SLC9A7: variants seen among roughly 807,000 people sequenced by gnomAD.
The protein encoded by SLC9A7 is sodium/hydrogen exchanger 7.
A neutral mutation model predicts 52.6 loss-of-function variants in SLC9A7; 19 were observed. That is an observed-to-expected ratio of 0.36 (90% CI 0.25 to 0.53). The LOEUF (loss-of-function observed/expected upper bound fraction) is 0.53, where lower values mean the gene tolerates loss of function less well. Ranked by LOEUF, SLC9A7 falls within the 20% of genes least tolerant of loss-of-function variation. SLC9A7 has a pLI of 0.91. For synonymous variants in SLC9A7, 226 were observed against 252.1 expected, an observed-to-expected ratio of 0.90 and a Z score of 0.98; for missense variants, 455 against 597.9, an observed-to-expected ratio of 0.76 and a Z score of 2.49.
chrX:46,634,686 T>C (rs1234976209), intron 13 of SLC9A7, among the ~76,000 whole-genome samples: 1 of 111,913 alleles, frequency 8.9e-6, no homozygotes, highest in African/African-American at 3.3e-5. Context: ...TGAACATGTG[T>C]GTGTAGAAAA....
chrX:46,699,597 G>C (rs12557422), intron 1 of SLC9A7, among the ~76,000 whole-genome samples: 1,181 of 111,070 alleles, frequency 0.011, 58 homozygotes, highest in Admixed American at 0.1. Flanking sequence ...CCAGGACTAC[G>C]GTCTCAAGAA....
At chrX:46,702,863 C>T (rs1463478196) in intron 1 of SLC9A7, among the ~76,000 whole-genome samples, 5 of 112,405 alleles carry the variant, frequency 4.4e-5, no homozygotes, top group Non-Finnish European at 9.4e-5. Flanking sequence ...AAACTGCTTT[C>T]CACAGTGGCT....
At chrX:46,655,824 T>G (rs962089669) in intron 7 of SLC9A7, among the ~76,000 whole-genome samples, 3 of 112,611 alleles carry the variant, frequency 2.7e-5, no homozygotes, top group Non-Finnish European at 3.8e-5. Context: ...CAGGCTTGTT[T>G]AGGTAAACAA....
Position 46,601,128 on chromosome X carries a change from T to C in SLC9A7, c.*5824A>G, listed in dbSNP as rs146868067. On this transcript the variant is annotated 3_prime_UTR_variant, in exon 17 of 17. Coordinates refer to ENST00000616978, the MANE Select transcript of SLC9A7 (RefSeq NM_001257291.2). ...ATACTTGTGAGATCAGCAGGCTGAC[T>C]TTCTAGCAGCCCTCATTGCAGATAA... The C allele has an allele frequency of 5.9e-4, 66 of 112,647 alleles. No homozygotes were observed. Among genetic ancestry groups the C allele is most frequent in the African/African-American group, 2.1e-3 (64 of 31,022 alleles). 9.3% of individuals were successfully genotyped at this position (112,647 alleles called of 1,213,427 possible).
intron 5 of SLC9A7, among the ~76,000 whole-genome samples, chrX:46,667,981 T>C (rs987086947): frequency 3.6e-5 from 4 of 111,870 alleles, no homozygotes; most frequent in Non-Finnish European, 5.6e-5. Flanking sequence ...AGGCAAGGGA[T>C]TGATGAATAG....
intron 1 of SLC9A7, among the ~76,000 whole-genome samples, chrX:46,746,843 G>A (rs779264980): frequency 2.7e-5 from 3 of 112,680 alleles, no homozygotes; most frequent in African/African-American, 9.7e-5. Context: ...GTGCACTCCT[G>A]TGTTTGTTGC....
At chrX:46,661,988 G>T (rs774736009) in intron 7 of SLC9A7, 28 bp downstream of exon 7, 10 of 1,158,793 alleles carry the variant, frequency 8.6e-6, no homozygotes, top group Non-Finnish European at 1.2e-5. Context: ...GCATACCCAG[G>T]CCCGAGCTGA....
chrX:46,648,518 C>T (rs976058916), intron 11 of SLC9A7, among the ~76,000 whole-genome samples, 168 bp downstream of exon 11: 3 of 112,047 alleles, frequency 2.7e-5, no homozygotes, highest in Non-Finnish European at 5.6e-5. Flanking sequence ...GCAAAATCAA[C>T]ACTAACTCAA....
intron 12 of SLC9A7, among the ~76,000 whole-genome samples, chrX:46,641,620 G>T (rs1029596191): frequency 1.8e-5 from 2 of 111,918 alleles, no homozygotes; most frequent in African/African-American, 6.5e-5. Context: ...TTTTCTTCAG[G>T]TTTATATTCT....
chrX:46,612,288 G>T (rs142744594), intron 16 of SLC9A7, among the ~76,000 whole-genome samples: 58 of 111,571 alleles, frequency 5.2e-4, no homozygotes, highest in African/African-American at 1.7e-3. Flanking sequence ...GATTAGGATG[G>T]CCGAAGAGGG....
At chrX:46,723,251 T>C (rs1444105570) in intron 1 of SLC9A7, among the ~76,000 whole-genome samples, 4 of 96,735 alleles carry the variant, frequency 4.1e-5, no homozygotes, top group African/African-American at 7.9e-5. Context: ...CCATGACTAA[T>C]GTGTCTGGGT....
chrX:46,631,572 C>T lies in SLC9A7; in HGVS notation c.1740+14G>A. ...AAATGTCTTCCCCAGGAAGAAGCAT[C>T]TCTTGTGACTTACCCCTTGTAAGAC... On this transcript the variant is annotated intron_variant, in intron 14 of 16. Transcript: ENST00000616978. The T allele has an allele frequency of 1.7e-6, 2 of 1,200,297 alleles. No homozygotes were observed. Among genetic ancestry groups the T allele is most frequent in the Non-Finnish European group, 2.3e-6 (2 of 885,554 alleles).
intron 7 of SLC9A7, among the ~76,000 whole-genome samples, chrX:46,660,350 G>A (rs1176800190): frequency 4.0e-4 from 45 of 111,549 alleles, no homozygotes; most frequent in African/African-American, 1.0e-3. Flanking sequence ...CAATGGCAAC[G>A]AAAGCCAAAA....
rs766659767 is a variant in SLC9A7 at position 46,654,378 on chromosome X, G to A, written c.1042-664C>T. Among the ~76,000 whole-genome samples the A allele has an allele frequency of 1.3e-4, 14 of 109,569 alleles. No homozygotes were observed. In the South Asian group the frequency reaches 1.5e-3, roughly 12 times the overall value. On this transcript the variant is annotated intron_variant, in intron 7 of 16. Transcript: ENST00000616978. ...AGCCTGGGTGACAGAGTGAGACTCC[G>A]TCAAAAAAAAAAATTATCATGTAAT...
At chrX:46,634,852 T>C (rs1011763955) in intron 13 of SLC9A7, among the ~76,000 whole-genome samples, 1 of 109,194 alleles carries the variant, frequency 9.2e-6, no homozygotes, top group African/African-American at 3.3e-5. Context: ...GAGAACAGAG[T>C]TGAAGCCTAT....
intron 1 of SLC9A7, among the ~76,000 whole-genome samples, chrX:46,741,141 G>A (rs774611353): frequency 9.0e-6 from 1 of 111,709 alleles, no homozygotes; most frequent in South Asian, 3.7e-4. Context: ...AGATAAAGAA[G>A]TCCTAAGCAG....
intron 1 of SLC9A7, among the ~76,000 whole-genome samples, chrX:46,738,098 AGAAAGAAAG>A (rs1399047521): frequency 5.4e-5 from 3 of 55,682 alleles, no homozygotes; most frequent in African/African-American, 1.3e-4. Flanking sequence ...AAAGAAAGAA[AGAAAGAAAG>A]AGAAAAGAAA....
chrX:46,675,835 T>C (rs1449925359), intron 3 of SLC9A7, among the ~76,000 whole-genome samples: 1 of 111,990 alleles, frequency 8.9e-6, no homozygotes. Flanking sequence ...CTATCAGCAT[T>C]ACATCACATC....
Sources: gnomAD v4.1 joint callset for allele counts (sites outside exome capture counted in the v4.1 genomes callset) on GRCh38, gnomAD v4.1.1 for gene constraint, MANE v1.5 for transcripts, NCBI Gene and HGNC (gene_info 2026-07-23, HGNC 2026-07-21) for gene names.